OTUD7A: variants seen among roughly 807,000 people sequenced by gnomAD.
OTUD7A encodes OTU deubiquitinase 7A.
A neutral mutation model predicts 65.7 loss-of-function variants in OTUD7A; 12 were observed. That is an observed-to-expected ratio of 0.18 (90% CI 0.12 to 0.30). OTUD7A has a LOEUF of 0.30. Ranked by LOEUF, OTUD7A falls within the 10% of genes least tolerant of loss-of-function variation. The pLI is 1.00. For missense variants in OTUD7A, 1,148 were observed against 1,304.8 expected (o/e 0.88, Z 1.85); for synonymous variants, 641 against 586.3 (o/e 1.09, Z -1.35).
At chr15:31,578,855 T>C (rs747121672) in intron 3 of OTUD7A, among the ~76,000 whole-genome samples, 1 of 152,158 alleles carries the variant, frequency 6.6e-6, no homozygotes, top group Non-Finnish European at 1.5e-5. Context: ...CTGGCCCCAG[T>C]GTACATCTTA....
chr15:31,790,198 T>C (rs4779923), intron 1 of OTUD7A, among the ~76,000 whole-genome samples: 30,360 of 152,170 alleles, frequency 0.2, 3,501 homozygotes, highest in Admixed American at 0.28. Flanking sequence ...GGCTCCTACA[T>C]GGCGTCAGGA....
intron 1 of OTUD7A, among the ~76,000 whole-genome samples, chr15:31,757,353 T>TTATA (rs35388320): frequency 2.0e-5 from 3 of 147,514 alleles, no homozygotes; most frequent in Non-Finnish European, 4.5e-5. Context: ...AATATATATA[T>TTATA]TATATATATA....
At chr15:31,579,769 T>C (rs1889316754) in intron 3 of OTUD7A, among the ~76,000 whole-genome samples, 1 of 152,210 alleles carries the variant, frequency 6.6e-6, no homozygotes, top group African/African-American at 2.4e-5. Flanking sequence ...TAATCCACAG[T>C]TTCAATACAT....
chr15:31,651,712 T>C (rs1000240884), intron 3 of OTUD7A, among the ~76,000 whole-genome samples: 2 of 151,796 alleles, frequency 1.3e-5, no homozygotes, highest in Admixed American at 6.6e-5. Flanking sequence ...ATATTGCCAA[T>C]GAACAAGTAG....
At chr15:31,615,608 A>T (rs1890562340) in intron 3 of OTUD7A, among the ~76,000 whole-genome samples, 1 of 152,258 alleles carries the variant, frequency 6.6e-6, no homozygotes, top group Non-Finnish European at 1.5e-5. Context: ...TAACATATAC[A>T]GATCACTGCA....
intron 3 of OTUD7A, among the ~76,000 whole-genome samples, chr15:31,609,772 A>C (rs1397860717): frequency 6.6e-6 from 1 of 152,124 alleles, no homozygotes; most frequent in Non-Finnish European, 1.5e-5. Flanking sequence ...CCGGCACAAA[A>C]ACAGAACATT....
chr15:31,779,915 C>T (rs773329164), intron 1 of OTUD7A, among the ~76,000 whole-genome samples: 1 of 152,146 alleles, frequency 6.6e-6, no homozygotes, highest in Non-Finnish European at 1.5e-5. Context: ...TGCAATCACA[C>T]ACTCTGACTG....
chr15:31,744,000 G>T (rs1454282293), intron 1 of OTUD7A, among the ~76,000 whole-genome samples: 1 of 152,084 alleles, frequency 6.6e-6, no homozygotes, highest in Non-Finnish European at 1.5e-5. Flanking sequence ...TCATAAATTA[G>T]ACATTTAGAT....
chr15:31,492,319 C>T (rs942022146), intron 10 of OTUD7A, among the ~76,000 whole-genome samples: 5 of 152,186 alleles, frequency 3.3e-5, no homozygotes, highest in South Asian at 2.1e-4. Context: ...TGGCTCACAC[C>T]TGTAATTCCA....
intron 1 of OTUD7A, among the ~76,000 whole-genome samples, chr15:31,869,169 A>T (rs897555376): frequency 6.6e-6 from 1 of 152,198 alleles, no homozygotes; most frequent in Non-Finnish European, 1.5e-5. Flanking sequence ...TGGAGTGTTG[A>T]TCCCATTTAG....
chr15:31,521,967 T>C (rs1017181154), intron 8 of OTUD7A, among the ~76,000 whole-genome samples: 13 of 152,186 alleles, frequency 8.5e-5, no homozygotes, highest in Admixed American at 7.2e-4. Context: ...AGAACAAAAA[T>C]GATTATTTTC....
chr15:31,553,183 T>C (rs1888379928), intron 5 of OTUD7A, among the ~76,000 whole-genome samples: 5 of 152,302 alleles, frequency 3.3e-5, no homozygotes, highest in African/African-American at 1.2e-4. Context: ...CCTTCCACCC[T>C]GGGCGTCAGG....
intron 3 of OTUD7A, among the ~76,000 whole-genome samples, chr15:31,600,730 GAC>G (rs1214338103): frequency 2.6e-5 from 4 of 152,196 alleles, no homozygotes; most frequent in African/African-American, 9.6e-5. Context: ...CACATGCAAA[GAC>G]ACACACAGAC....
intron 4 of OTUD7A, 117 bp from the exon 5 acceptor site, chr15:31,559,304 C>T: frequency 1.1e-6 from 1 of 908,418 alleles, no homozygotes; most frequent in Non-Finnish European, 1.7e-6. Context: ...CACATTCATG[C>T]ACACAGACCA....
chr15:31,522,026 C>CA, intron 8 of OTUD7A, among the ~76,000 whole-genome samples: 1 of 152,352 alleles, frequency 6.6e-6, no homozygotes, highest in East Asian at 1.9e-4. Flanking sequence ...GCCTGGTCTG[C>CA]ATTTGTCAAG....
intron 1 of OTUD7A, among the ~76,000 whole-genome samples, chr15:31,798,179 C>T (rs1003455137): frequency 2.6e-5 from 4 of 152,028 alleles, no homozygotes; most frequent in Admixed American, 1.3e-4. Context: ...TATTGGGTAA[C>T]GTTAGGACAT....
At chr15:31,595,738 C>T (rs1031956060) in intron 3 of OTUD7A, among the ~76,000 whole-genome samples, 2 of 152,200 alleles carry the variant, frequency 1.3e-5, no homozygotes, top group Non-Finnish European at 2.9e-5. Context: ...CGTGGTCCCT[C>T]CTGGAGGCTT....
chr15:31,675,268 G>C (rs1352792999), intron 1 of OTUD7A, among the ~76,000 whole-genome samples: 1 of 152,126 alleles, frequency 6.6e-6, no homozygotes, highest in Non-Finnish European at 1.5e-5. Flanking sequence ...TATTAGGGTG[G>C]AAAGAGATGA....
At chr15:31,820,958 C>T (rs1252119078) in intron 1 of OTUD7A, among the ~76,000 whole-genome samples, 1 of 151,756 alleles carries the variant, frequency 6.6e-6, no homozygotes, top group Non-Finnish European at 1.5e-5. Flanking sequence ...CTTACCATTC[C>T]CTCCGAGGCC....
Sources: allele counts gnomAD v4.1 joint callset (sites outside exome capture counted in the v4.1 genomes callset), GRCh38; gene constraint gnomAD v4.1.1; transcripts MANE v1.5; gene names NCBI Gene and HGNC (gene_info 2026-07-23, HGNC 2026-07-21).